The following FAM151B variants were observed in gnomAD, a reference collection of about 807,000 sequenced individuals.
FAM151B encodes family with sequence similarity 151 member B, also known as protein FAM151B.
Under a neutral mutation model 31.2 loss-of-function variants are expected in FAM151B, and 24 were observed. The observed-to-expected ratio is 0.77, with a 90% confidence interval of 0.56 to 1.08. The LOEUF is 1.08. Ranked by LOEUF, FAM151B falls within the 50% of genes least tolerant of loss-of-function variation. The pLI, the probability that FAM151B is intolerant of heterozygous loss-of-function variation, is 0.00. For missense variants in FAM151B, 293 were observed against 328.6 expected (o/e 0.89, Z 0.84); for synonymous variants, 105 against 111.4 (o/e 0.94, Z 0.36).
chr5:80,533,074 A>G (rs1407690880), intron 5 of FAM151B, among the ~76,000 whole-genome samples: 2 of 152,164 alleles, frequency 1.3e-5, no homozygotes, highest in Non-Finnish European at 2.9e-5. Context: ...CTAACAGTGC[A>G]TCTTAAAAAC....
At chr5:80,490,532 A>C (rs1278706464) in intron 1 of FAM151B, among the ~76,000 whole-genome samples, 1 of 152,258 alleles carries the variant, frequency 6.6e-6, no homozygotes. Context: ...AATTAATTTT[A>C]AAACATCTTC....
intron 5 of FAM151B, among the ~76,000 whole-genome samples, chr5:80,532,086 A>G (rs1745267772): frequency 6.6e-6 from 1 of 151,650 alleles, no homozygotes; most frequent in Non-Finnish European, 1.5e-5. Flanking sequence ...TGTCCTTTGT[A>G]GGGACCATCA....
At chr5:80,528,433 A>C (rs1745069706) in intron 5 of FAM151B, among the ~76,000 whole-genome samples, 1 of 152,136 alleles carries the variant, frequency 6.6e-6, no homozygotes, top group Non-Finnish European at 1.5e-5. Flanking sequence ...AATGGATGAA[A>C]AAAAAAAAGA....
intron 2 of FAM151B, chr5:80,506,145 A>G (rs905837099): frequency 1.0e-6 from 1 of 983,520 alleles, no homozygotes; most frequent in Middle Eastern, 5.2e-4. Flanking sequence ...GTGCATTACA[A>G]TAAGTTAATC....
At chr5:80,524,801 A>G in intron 5 of FAM151B, among the ~76,000 whole-genome samples, 1 of 152,124 alleles carries the variant, frequency 6.6e-6, no homozygotes, top group East Asian at 1.9e-4. Flanking sequence ...TTTATGGTGG[A>G]CCCAGGTGTT....
chr5:80,493,652 T>C (rs563683758), intron 1 of FAM151B, among the ~76,000 whole-genome samples: 16 of 152,292 alleles, frequency 1.1e-4, no homozygotes, highest in South Asian at 6.2e-4. Context: ...GCGGTTGATA[T>C]AAGGATTGAA....
intron 1 of FAM151B, among the ~76,000 whole-genome samples, chr5:80,494,002 C>T (rs555629368): frequency 6.6e-6 from 1 of 152,150 alleles, no homozygotes; most frequent in Non-Finnish European, 1.5e-5. Flanking sequence ...CCTGGAGACC[C>T]AGCTGTAAAA....
At chr5:80,532,010 G>A (rs1035121459) in intron 5 of FAM151B, among the ~76,000 whole-genome samples, 14 of 148,578 alleles carry the variant, frequency 9.4e-5, no homozygotes, top group Non-Finnish European at 1.9e-4. Flanking sequence ...ATGATAGACT[G>A]GATTAAGAAA....
chr5:80,533,954 GA>G (rs1241965626), intron 5 of FAM151B, among the ~76,000 whole-genome samples: 1 of 152,048 alleles, frequency 6.6e-6, no homozygotes, highest in Non-Finnish European at 1.5e-5. Flanking sequence ...GAAATCCAGA[GA>G]ATTATTAGTG....
At position 80,522,184 on chromosome 5, in the gene FAM151B, C is replaced by T. The variant is rs1283050519; in HGVS notation, c.671+46C>T. 1.7e-5 allele frequency: 26 copies of T among 1,551,342 alleles called. No homozygotes were observed. In the Admixed American group the frequency reaches 4.4e-4, roughly 26 times the overall value. ...TGTGTATGTGAGTGTGTATGAGAGA[C>T]AGAGATAGAAAGGGCATGAAAATTG... On this transcript the variant is annotated intron_variant, in intron 5 of 5. Coordinates refer to ENST00000282226, the MANE Select transcript of FAM151B (RefSeq NM_205548.3).
intron 1 of FAM151B, among the ~76,000 whole-genome samples, chr5:80,496,525 T>C (rs1316353022): frequency 6.6e-6 from 1 of 152,150 alleles, no homozygotes; most frequent in Admixed American, 6.5e-5. Context: ...CAGTGGCCCA[T>C]AACTGAACCT....
At chr5:80,488,262 G>C in intron 1 of FAM151B, 114 bp downstream of exon 1, 1 of 1,317,488 alleles carries the variant, frequency 7.6e-7, no homozygotes, top group Non-Finnish European at 1.0e-6. Context: ...ACCTGGGAGC[G>C]CGCCGCGCAG....
At chr5:80,539,784 G>T (rs959834005) in intron 5 of FAM151B, among the ~76,000 whole-genome samples, 1 of 149,566 alleles carries the variant, frequency 6.7e-6, no homozygotes, top group African/African-American at 2.5e-5. Context: ...GAGCCACCGT[G>T]CCCTGCCTTT....
intron 3 of FAM151B, among the ~76,000 whole-genome samples, chr5:80,516,435 C>T (rs1236272314): frequency 6.6e-6 from 1 of 152,134 alleles, no homozygotes; most frequent in Non-Finnish European, 1.5e-5. Flanking sequence ...TAGTTTGTTA[C>T]AATTTTAAGT....
chr5:80,541,487 T>C (rs1414484216), intron 5 of FAM151B, among the ~76,000 whole-genome samples, 186 bp from the exon 6 acceptor site: 1 of 152,248 alleles, frequency 6.6e-6, no homozygotes, highest in Non-Finnish European at 1.5e-5. Flanking sequence ...GTATGAATGT[T>C]TTTTTGTCTC....
Position 80,520,520 on chromosome 5 carries a change from C to A in FAM151B, c.535+610C>A, listed in dbSNP as rs866608219. 5.9e-5 allele frequency among the ~76,000 whole-genome samples: 9 copies of A among 151,524 alleles called. No homozygotes were observed. The South Asian group carries it at 1.9e-3, about 32-fold the overall frequency. On this transcript the variant is annotated intron_variant, in intron 4 of 5. Transcript: ENST00000282226. ...GTTAGCCAGGCATGGTAGTGTGTGC[C>A]TGTAGTCTCAGCTACTCGGGAGGCT...
chr5:80,513,725 T>C lies in FAM151B; in HGVS notation c.273T>C (p.Thr91=). The change falls in exon 3 of 6, where the codon ACT becomes ACC. Residue 91 remains threonine (T), a synonymous_variant. Transcript: ENST00000282226. The part of the protein sequence containing the change: ...NSDNTLQEWL[T]EVMKSNKGIK... ...ATAATACTCTACAGGAGTGGCTGAC[T>C]GAAGTTATGAAAAGCAATAAAGGCA... is the stretch of plus-strand genomic sequence containing the variant. 1.2e-6 allele frequency: 2 copies of C among 1,613,046 alleles called. No homozygotes were observed. Among genetic ancestry groups the C allele is most frequent in the Non-Finnish European group, 1.7e-6 (2 of 1,179,760 alleles).
chr5:80,488,153 G>A lies in FAM151B; in HGVS notation c.25+5G>A, dbSNP rs998811421. 2 of 1,541,452 alleles carry A rather than the reference G, an allele frequency of 1.3e-6. No homozygotes were observed. The highest frequency in any genetic ancestry group is 2.5e-5 in the East Asian group (1 of 40,678). On this transcript the variant is annotated splice_donor_5th_base_variant and intron_variant, in intron 1 of 5. Transcript: ENST00000282226. ...CAGCATCCGCTGGAGGCCCAGGTAA[G>A]CGCCGAGCGCGCGGCCTCTGCCTGG...
chr5:80,527,374 G>A (rs1341607150), intron 5 of FAM151B, among the ~76,000 whole-genome samples: 2 of 151,630 alleles, frequency 1.3e-5, no homozygotes, highest in African/African-American at 4.9e-5. Flanking sequence ...AGTGAGCCGA[G>A]GTCATGCCAC....
Sources: allele counts gnomAD v4.1 joint callset (sites outside exome capture counted in the v4.1 genomes callset), GRCh38; gene constraint gnomAD v4.1.1; transcripts MANE v1.5; gene names NCBI Gene and HGNC (gene_info 2026-07-23, HGNC 2026-07-21).